Variants in VGLL3 observed in about 807,000 individuals in gnomAD.
VGLL3 encodes vestigial like family member 3, also known as transcription cofactor vestigial-like protein 3.
In VGLL3, 18 loss-of-function variants were observed where a neutral mutation model predicts 29.2. That is an observed-to-expected ratio of 0.62 (90% CI 0.43 to 0.91). The LOEUF (loss-of-function observed/expected upper bound fraction) is 0.91. Ranked by LOEUF, VGLL3 falls within the 40% of genes least tolerant of loss-of-function variation. The pLI, the probability that VGLL3 is intolerant of heterozygous loss-of-function variation, is 0.00. For synonymous variants in VGLL3, 180 were observed against 151.8 expected (o/e 1.19, Z -1.36); for missense variants, 440 against 413.2 (o/e 1.06, Z -0.56).
At chr3:86,975,052 T>A (rs1337746692) in intron 2 of VGLL3, among the ~76,000 whole-genome samples, 1 of 152,208 alleles carries the variant, frequency 6.6e-6, no homozygotes, top group South Asian at 2.1e-4. Context: ...ATCTTTACAA[T>A]AACTCTATGA....
At chr3:86,957,481 A>T (rs1298365855) in intron 3 of VGLL3, among the ~76,000 whole-genome samples, 6 of 152,198 alleles carry the variant, frequency 3.9e-5, no homozygotes, top group Admixed American at 3.9e-4. Context: ...ATTCTGTATC[A>T]TGTATCACCG....
At chr3:86,962,759 T>C in intron 3 of VGLL3, 1 of 517,512 alleles carries the variant, frequency 1.9e-6, no homozygotes, top group South Asian at 8.4e-5. Context: ...GGCTCACACC[T>C]GTAATCCCAG....
chr3:86,985,194 C>T (rs1247671477), intron 1 of VGLL3, among the ~76,000 whole-genome samples: 2 of 152,184 alleles, frequency 1.3e-5, no homozygotes, highest in Non-Finnish European at 2.9e-5. Flanking sequence ...TTCTTTCTTA[C>T]ATTGGCTGCC....
rs759598980 is a variant in VGLL3, at chr3:86,990,710, G to A, written c.34C>T (p.Pro12Ser). The change falls in exon 1 of 4, where the codon CCT becomes TCT. Residue 12 changes from proline to serine, a missense_variant. Transcript: ENST00000398399. ...SCAEVMYHPQ[P>S]YGASQYLPNP... ...GGCAGATACTGGGACGCTCCATAAG[G>A]CTGGGGGTGATACATCACCTCCGCA... 2.1e-6 allele frequency: 3 copies of A among 1,432,552 alleles called. No individual in the cohort carries two copies. Among genetic ancestry groups the A allele is most frequent in the Middle Eastern group, 1.9e-4 (1 of 5,286 alleles). 88.7% of individuals were successfully genotyped at this position (1,432,552 alleles called of 1,614,324 possible). A position where few individuals can be genotyped will look rare whatever the true frequency, so the allele number is the denominator to read the frequency against.
At chr3:86,975,837 G>A (rs929394467) in intron 2 of VGLL3, among the ~76,000 whole-genome samples, 2 of 152,142 alleles carry the variant, frequency 1.3e-5, no homozygotes, top group African/African-American at 4.8e-5. Flanking sequence ...GGGCGCGGTG[G>A]CTCACATCTG....
intron 3 of VGLL3, among the ~76,000 whole-genome samples, chr3:86,955,829 C>A (rs1291170326): frequency 1.3e-5 from 2 of 152,120 alleles, no homozygotes; most frequent in Non-Finnish European, 1.5e-5. Flanking sequence ...CTCAAGTAGA[C>A]CAGGCATGAA....
chr3:86,974,006 C>A (rs1036751470), intron 2 of VGLL3, among the ~76,000 whole-genome samples: 20 of 151,760 alleles, frequency 1.3e-4, no homozygotes, highest in African/African-American at 4.4e-4. Flanking sequence ...TAGCGCTGTG[C>A]TAAATTAATC....
intron 2 of VGLL3, among the ~76,000 whole-genome samples, chr3:86,970,061 A>C (rs532206354): frequency 6.6e-6 from 1 of 152,300 alleles, no homozygotes; most frequent in African/African-American, 2.4e-5. Flanking sequence ...GGAAATGATG[A>C]GTGGAGGAAA....
At chr3:86,974,094 G>C (rs1357716396) in intron 2 of VGLL3, among the ~76,000 whole-genome samples, 1 of 151,670 alleles carries the variant, frequency 6.6e-6, no homozygotes, top group Non-Finnish European at 1.5e-5. Context: ...TGGAGATAAG[G>C]GACCAATCAT....
chr3:86,965,776 C>T (rs1370209586), intron 3 of VGLL3, among the ~76,000 whole-genome samples: 1 of 152,118 alleles, frequency 6.6e-6, no homozygotes, highest in Non-Finnish European at 1.5e-5. Flanking sequence ...ACCCCCTTGA[C>T]CCCAGGCAGA....
intron 3 of VGLL3, among the ~76,000 whole-genome samples, chr3:86,965,850 T>A (rs1704946476): frequency 6.6e-6 from 1 of 152,164 alleles, no homozygotes; most frequent in South Asian, 2.1e-4. Flanking sequence ...ATTGACTTCA[T>A]CAGTGAGACT....
At position 86,941,823 on chromosome 3, in the gene VGLL3, AAAT is replaced by A. The variant is rs1304576570; in HGVS notation, c.*5198_*5200del. On this transcript the variant is annotated 3_prime_UTR_variant, in exon 4 of 4. Coordinates refer to ENST00000398399, the MANE Select transcript of VGLL3 (RefSeq NM_016206.4). Reference sequence around the variant, plus strand: ...AAAAAAAAACCTGCTAAAAAATTCTAAATGTCTGTGCTGTGACCAATCTCCATG... The same window carrying A: ...AAAAAAAAACCTGCTAAAAAATTCTAGTCTGTGCTGTGACCAATCTCCATG... The A allele has an allele frequency of 2.0e-5, 3 of 152,064 alleles. No individual in the cohort carries two copies. The highest frequency in any genetic ancestry group is 7.2e-5 in the African/African-American group (3 of 41,416). 9.4% of individuals were successfully genotyped at this position (152,064 alleles called of 1,614,324 possible).
Position 86,962,279 on chromosome 3 carries a change from G to A in VGLL3, c.937+6311C>T, listed in dbSNP as rs1188573597. On this transcript the variant is annotated intron_variant, in intron 3 of 3. Coordinates refer to ENST00000398399, the MANE Select transcript of VGLL3 (RefSeq NM_016206.4). ...CAGAGGGAGCAAAAAGTAAGAGTGA[G>A]CTCGCATGACAGCAAAGCAACACCA... The A allele has an allele frequency of 1.0e-5, 10 of 985,376 alleles. No individual in the cohort carries two copies. In the African/African-American group the frequency reaches 1.4e-4, roughly 14 times the overall value. 61.0% of individuals were successfully genotyped at this position (985,376 alleles called of 1,614,324 possible).
chr3:86,979,815 T>G (rs1705286195), intron 1 of VGLL3, among the ~76,000 whole-genome samples: 3 of 152,106 alleles, frequency 2.0e-5, no homozygotes. Flanking sequence ...GAGGGATATC[T>G]AGCATATAGA....
intron 2 of VGLL3, among the ~76,000 whole-genome samples, chr3:86,970,117 A>G (rs1370798080): frequency 6.6e-6 from 1 of 152,150 alleles, no homozygotes; most frequent in Non-Finnish European, 1.5e-5. Context: ...GGGGAGAGGG[A>G]AATATCAAAG....
chr3:86,978,853 A>G, intron 1 of VGLL3, 51 bp from the exon 2 acceptor site: 1 of 1,504,110 alleles, frequency 6.6e-7, no homozygotes, highest in Non-Finnish European at 8.9e-7. Flanking sequence ...GTAGAAAAGC[A>G]TTCACTAGTT....
At chr3:86,975,224 C>T (rs1232590441) in intron 2 of VGLL3, among the ~76,000 whole-genome samples, 2 of 152,108 alleles carry the variant, frequency 1.3e-5, no homozygotes, top group African/African-American at 2.4e-5. Context: ...GTAGCTTTGC[C>T]AATTAATATT....
At chr3:86,964,796 TAC>T (rs1704924105) in intron 3 of VGLL3, among the ~76,000 whole-genome samples, 2 of 152,330 alleles carry the variant, frequency 1.3e-5, no homozygotes, top group South Asian at 4.1e-4. Flanking sequence ...GTTTATAAGC[TAC>T]ACAGTGTATG....
intron 3 of VGLL3, among the ~76,000 whole-genome samples, chr3:86,949,164 CAT>C (rs1241837014): frequency 6.6e-6 from 1 of 152,170 alleles, no homozygotes; most frequent in East Asian, 1.9e-4. Context: ...TTTGCAAAGA[CAT>C]ATGACTATTT....
Sources: gnomAD v4.1 joint callset for allele counts (sites outside exome capture counted in the v4.1 genomes callset) on GRCh38, gnomAD v4.1.1 for gene constraint, MANE v1.5 for transcripts, NCBI Gene and HGNC (gene_info 2026-07-23, HGNC 2026-07-21) for gene names.